Variants in NAP1L4 observed in about 807,000 individuals in gnomAD.
NAP1L4 encodes nucleosome assembly protein 1-like 4.
Under a neutral mutation model 58.2 loss-of-function variants are expected in NAP1L4, and 15 were observed. That is an observed-to-expected ratio of 0.26 (90% CI 0.17 to 0.40). The LOEUF is 0.40. Among genes scored for constraint, NAP1L4 ranks in the 10% least tolerant of loss-of-function variants. The pLI, the probability that NAP1L4 is intolerant of heterozygous loss-of-function variation, is 1.00. For synonymous variants in NAP1L4, 171 were observed against 155.6 expected (o/e 1.10, Z -0.74); for missense variants, 384 against 451.1 (o/e 0.85, Z 1.35).
At chr11:2,953,493 T>C (rs553330530) in intron 12 of NAP1L4, among the ~76,000 whole-genome samples, 1 of 152,344 alleles carries the variant, frequency 6.6e-6, no homozygotes, top group South Asian at 2.1e-4. Flanking sequence ...GACAGTTCCA[T>C]CAACAGAGAA....
chr11:2,962,139 C>T (rs1590232916), intron 8 of NAP1L4, among the ~76,000 whole-genome samples: 1 of 152,230 alleles, frequency 6.6e-6, no homozygotes, highest in East Asian at 1.9e-4. Flanking sequence ...AAAGCTTCAT[C>T]TTCTTTGACT....
Position 2,951,945 on chromosome 11 carries a change from C to T in NAP1L4, c.1036-136G>A, listed in dbSNP as rs1312684578. 3 of 808,286 alleles carry T rather than the reference C, an allele frequency of 3.7e-6. No individual in the cohort carries two copies. The highest frequency in any genetic ancestry group is 3.4e-5 in the African/African-American group (2 of 58,892). The allele number at this position is 808,286 out of a possible 1,614,324, so 50.1% of individuals were successfully genotyped here. ...TCCAGCCACGCTGCCTGCTGGGCCT[C>T]GCTTGCCTGAGGAGCCATTTGCTTG... On this transcript the variant is annotated intron_variant, in intron 12 of 15. Transcript: ENST00000380542. The surrounding 1 kb of genome is among the most constrained non-coding windows in gnomAD (Gnocchi z 4.0).
rs1846757177 is a variant in NAP1L4, at chr11:2,959,917, T to C, written c.607-8A>G. 1 of 1,613,646 alleles carries C rather than the reference T, an allele frequency of 6.2e-7. No homozygotes were observed. The highest frequency in any genetic ancestry group is 8.5e-7 in the Non-Finnish European group (1 of 1,179,802). ...GAACTCTAACACAAAAGACTAAAAG[T>C]AGAAATTCAGAGTAAGCACCAGTTA... On this transcript the variant is annotated splice_polypyrimidine_tract_variant and splice_region_variant and intron_variant, in intron 8 of 15. Transcript: ENST00000380542. The surrounding 1 kb of genome is among the most constrained non-coding windows in gnomAD (Gnocchi z 4.9).
At chr11:2,982,628 A>G (rs1848394268) in intron 1 of NAP1L4, among the ~76,000 whole-genome samples, 1 of 152,246 alleles carries the variant, frequency 6.6e-6, no homozygotes, top group Non-Finnish European at 1.5e-5. Flanking sequence ...TCACACGGCT[A>G]GTAAAACATG....
At chr11:2,947,892 C>T (rs16928844) in intron 15 of NAP1L4, among the ~76,000 whole-genome samples, 3,226 of 152,348 alleles carry the variant, frequency 0.021, 116 homozygotes, top group African/African-American at 0.074. Context: ...GAAGAAGCCC[C>T]AAGTGCCCAG....
Position 2,957,715 on chromosome 11 carries a change from T to C in NAP1L4, c.892+684A>G, listed in dbSNP as rs183414456. ...CTTTACTAGCTCAAAGGTCTCATCT[T>C]TATTTTACCACTTAGGAAAATTTAA... is the stretch of plus-strand genomic sequence containing the variant. On this transcript the variant is annotated intron_variant, in intron 10 of 15. Transcript: ENST00000380542. Among the ~76,000 whole-genome samples, 480 of 152,340 alleles carry C rather than the reference T, an allele frequency of 3.2e-3. 2 individuals are homozygous for C. The highest frequency in any genetic ancestry group is 4.5e-3 in the Non-Finnish European group (308 of 68,032).
intron 1 of NAP1L4, chr11:2,990,445 T>C (rs368445664): frequency 6.6e-6 from 1 of 152,246 alleles, no homozygotes; most frequent in Admixed American, 6.5e-5. Flanking sequence ...CATTTGCATA[T>C]TATTTATTCC....
rs1322184097 is a variant in NAP1L4, at chr11:2,959,928, A to C, written c.607-19T>G. 1.2e-6 allele frequency: 2 copies of C among 1,612,756 alleles called. No individual in the cohort carries two copies. The highest frequency in any genetic ancestry group is 1.7e-6 in the Non-Finnish European group (2 of 1,179,144). On this transcript the variant is annotated intron_variant, in intron 8 of 15. Transcript: ENST00000380542. The surrounding 1 kb of genome is among the most constrained non-coding windows in gnomAD (Gnocchi z 4.9). Reference sequence around the variant, plus strand: ...CAAAAGACTAAAAGTAGAAATTCAGAGTAAGCACCAGTTAAAATAGAAAAA... The same window carrying C: ...CAAAAGACTAAAAGTAGAAATTCAGCGTAAGCACCAGTTAAAATAGAAAAA...
intron 6 of NAP1L4, among the ~76,000 whole-genome samples, chr11:2,970,930 A>G (rs16928945): frequency 1.3e-5 from 2 of 151,974 alleles, no homozygotes; most frequent in East Asian, 3.9e-4. Flanking sequence ...TCAGGCTGAC[A>G]AAGTTAATCC....
intron 4 of NAP1L4, 161 bp from the exon 5 acceptor site, chr11:2,972,404 A>G: frequency 2.1e-6 from 1 of 483,030 alleles, no homozygotes; most frequent in East Asian, 3.5e-5. Context: ...CCAACAGGAA[A>G]AAAAGGATAC....
chr11:2,954,410 G>T lies in NAP1L4; in HGVS notation c.1035+117C>A. On this transcript the variant is annotated intron_variant, in intron 12 of 15. Transcript: ENST00000380542. The surrounding 1 kb of genome is among the most constrained non-coding windows in gnomAD (Gnocchi z 4.8). ...GACAGCAGCTTGGACTACATATCTG[G>T]CTGATGATGTAATAAAAAGATTAGG... is the stretch of plus-strand genomic sequence containing the variant. 1 of 1,427,550 alleles carries T rather than the reference G, an allele frequency of 7.0e-7. No homozygotes were observed. The highest frequency in any genetic ancestry group is 1.7e-5 in the Admixed American group (1 of 57,494). The allele number at this position is 1,427,550 out of a possible 1,614,324, so 88.4% of individuals were successfully genotyped here.
At chr11:2,988,341 T>C (rs1221127874) in intron 1 of NAP1L4, among the ~76,000 whole-genome samples, 1 of 152,208 alleles carries the variant, frequency 6.6e-6, no homozygotes, top group Non-Finnish European at 1.5e-5. Flanking sequence ...CTTCCCTCTC[T>C]ACCTATTTCA....
chr11:2,971,622 G>T lies in NAP1L4; in HGVS notation c.316-88C>A. 2 of 1,041,554 alleles carry T rather than the reference G, an allele frequency of 1.9e-6. No homozygotes were observed. The highest frequency in any genetic ancestry group is 2.6e-5 in the East Asian group (1 of 38,440). The allele number at this position is 1,041,554 out of a possible 1,614,324, so 64.5% of individuals were successfully genotyped here. ...AATTTATAAATAATGTCTACTAAAA[G>T]ACTTTGAAAACTGGATATTTTTATA... On this transcript the variant is annotated intron_variant, in intron 5 of 15. Coordinates refer to ENST00000380542, the MANE Select transcript of NAP1L4 (RefSeq NM_005969.4). The surrounding 1 kb of genome is among the most constrained non-coding windows in gnomAD (Gnocchi z 4.2).
rs1846493587 is a variant in NAP1L4 at position 2,955,628 on chromosome 11, T to G, written c.915+116A>C. 6.0e-6 allele frequency: 6 copies of G among 994,262 alleles called. No homozygotes were observed. Among genetic ancestry groups the G allele is most frequent in the Non-Finnish European group, 9.1e-6 (6 of 656,298 alleles). 61.6% of individuals were successfully genotyped at this position (994,262 alleles called of 1,614,324 possible). The stretch of plus-strand genomic sequence containing the variant: ...CAGCCTCCCAAAGCATTAAGATCAC[T>G]GGCATACCCAGTCCACACACAGCCA... On this transcript the variant is annotated intron_variant, in intron 11 of 15. Transcript: ENST00000380542. This position sits in a 1 kb window ranked among gnomAD's most constrained non-coding sequence, Gnocchi z 4.2.
In NAP1L4 at chr11:2,954,434, G is replaced by C. The variant is rs747624461; in HGVS notation, c.1035+93C>G. 42 of 1,563,672 alleles carry C rather than the reference G, an allele frequency of 2.7e-5. No homozygotes were observed. The Middle Eastern group carries it at 5.0e-4, about 19-fold the overall frequency. On this transcript the variant is annotated intron_variant, in intron 12 of 15. Coordinates refer to ENST00000380542, the MANE Select transcript of NAP1L4 (RefSeq NM_005969.4). This position sits in a 1 kb window ranked among gnomAD's most constrained non-coding sequence, Gnocchi z 4.8. ...GGCTGATGATGTAATAAAAAGATTA[G>C]GCATGGGGGTTTCCTAAGCCACAAT...
rs1022031441 is a variant in NAP1L4 at position 2,954,096 on chromosome 11, CT to C, written c.1035+430del. Among the ~76,000 whole-genome samples the C allele has an allele frequency of 5.1e-4, 77 of 152,160 alleles. No homozygotes were observed. The highest frequency in any genetic ancestry group is 1.7e-3 in the African/African-American group (72 of 41,478). On this transcript the variant is annotated intron_variant, in intron 12 of 15. Coordinates refer to ENST00000380542, the MANE Select transcript of NAP1L4 (RefSeq NM_005969.4). The surrounding 1 kb of genome is among the most constrained non-coding windows in gnomAD (Gnocchi z 4.8). ...CGGGTTTCTTTTTTTTCCTTTTTAC[CT>C]AATTAGATAGAAGTTCAGGAATTTC...
chr11:2,976,303 C>T (rs888095840), intron 3 of NAP1L4, among the ~76,000 whole-genome samples, 180 bp from the exon 4 acceptor site: 34 of 152,138 alleles, frequency 2.2e-4, no homozygotes, highest in Admixed American at 5.9e-4. Flanking sequence ...ATTTTAAGAG[C>T]ATTTAACACT....
intron 12 of NAP1L4, among the ~76,000 whole-genome samples, chr11:2,953,626 T>C (rs1005382038): frequency 2.6e-5 from 4 of 152,218 alleles, no homozygotes; most frequent in African/African-American, 7.2e-5. Context: ...AGTTGAGTTT[T>C]AGAAGTTAAA....
intron 1 of NAP1L4, among the ~76,000 whole-genome samples, chr11:2,983,259 C>T (rs984470017): frequency 3.9e-5 from 6 of 152,132 alleles, no homozygotes; most frequent in African/African-American, 1.2e-4. Context: ...AGGACATGAG[C>T]CAAAGAGGTT....
Sources: gnomAD v4.1 joint callset for allele counts (sites outside exome capture counted in the v4.1 genomes callset) on GRCh38, gnomAD v4.1.1 for gene constraint, Gnocchi (gnomAD v3.1) non-coding constraint, MANE v1.5 for transcripts, NCBI Gene and HGNC (gene_info 2026-07-23, HGNC 2026-07-21) for gene names.